NRXN3: variants seen among roughly 807,000 people sequenced by gnomAD.
The protein encoded by NRXN3 is neurexin 3.
A neutral mutation model predicts 137.6 loss-of-function variants in NRXN3; 32 were observed. The ratio of observed to expected loss-of-function variants is 0.23; its 90% CI spans 0.18 to 0.31. The LOEUF (loss-of-function observed/expected upper bound fraction) is 0.31, where lower values mean the gene tolerates loss of function less well. NRXN3 is among the 10% of genes least tolerant of loss of function. The probability of loss-of-function intolerance (pLI) is 1.00; values close to 1 mark genes in which losing one functional copy is unlikely to be tolerated. For missense variants in NRXN3, 1,574 were observed against 2,062.5 expected (o/e 0.76, Z 4.59); for synonymous variants, 798 against 784.5 (o/e 1.02, Z -0.29).
intron 15 of NRXN3, among the ~76,000 whole-genome samples, chr14:79,159,234 TTTGA>T (rs1477850268): frequency 6.6e-6 from 1 of 151,896 alleles, no homozygotes; most frequent in African/African-American, 2.4e-5. Context: ...TAGCCATTGC[TTTGA>T]TTGTGCTTTG....
intron 16 of NRXN3, among the ~76,000 whole-genome samples, 182 bp from the exon 17 acceptor site, chr14:79,663,596 A>G (rs757794537): frequency 1.3e-5 from 2 of 152,080 alleles, no homozygotes; most frequent in African/African-American, 2.4e-5. Context: ...TTTTTATGCC[A>G]TTGGTTTTTA....
intron 20 of NRXN3, among the ~76,000 whole-genome samples, chr14:79,834,999 G>A (rs12885142): frequency 0.91 from 138,127 of 152,090 alleles, 62,745 homozygotes; most frequent in East Asian, 0.95. Flanking sequence ...CTCTACTTCT[G>A]TGAGTTCAAC....
intron 19 of NRXN3, among the ~76,000 whole-genome samples, chr14:79,725,339 C>T (rs555474665): frequency 6.6e-6 from 1 of 152,234 alleles, no homozygotes; most frequent in South Asian, 2.1e-4. Flanking sequence ...GTTGTCTTTG[C>T]TTCAGCTGAG....
chr14:79,150,967 C>G (rs188076101), intron 15 of NRXN3, among the ~76,000 whole-genome samples: 1 of 152,120 alleles, frequency 6.6e-6, no homozygotes, highest in Non-Finnish European at 1.5e-5. Flanking sequence ...TTAAATGGAA[C>G]TAGTTTTCGA....
intron 20 of NRXN3, among the ~76,000 whole-genome samples, chr14:79,805,857 G>T (rs534702898): frequency 1.3e-5 from 2 of 152,234 alleles, no homozygotes; most frequent in South Asian, 4.1e-4. Context: ...CTACTGTGCT[G>T]AAGTTGAGAA....
chr14:79,242,541 G>A (rs1236225726), intron 15 of NRXN3, among the ~76,000 whole-genome samples: 1 of 152,092 alleles, frequency 6.6e-6, no homozygotes, highest in Non-Finnish European at 1.5e-5. Flanking sequence ...ACTCTACCCT[G>A]GACCTAAAGC....
chr14:78,855,690 T>C (rs994139993), intron 10 of NRXN3, among the ~76,000 whole-genome samples: 1 of 152,194 alleles, frequency 6.6e-6, no homozygotes, highest in African/African-American at 2.4e-5. Context: ...AAAGTGTATC[T>C]GACAGTATTT....
At chr14:78,252,963 T>A (rs2068883359) in intron 2 of NRXN3, among the ~76,000 whole-genome samples, 1 of 152,152 alleles carries the variant, frequency 6.6e-6, no homozygotes, top group Non-Finnish European at 1.5e-5. Context: ...TCTTCCTTCC[T>A]CCTCATTCTC....
At chr14:79,774,927 T>C (rs1255480469) in intron 19 of NRXN3, among the ~76,000 whole-genome samples, 1 of 151,988 alleles carries the variant, frequency 6.6e-6, no homozygotes, top group Non-Finnish European at 1.5e-5. Flanking sequence ...GGATTAAGTA[T>C]GATATATATA....
chr14:79,274,101 C>CAAAAAAA (rs569693397), intron 15 of NRXN3, among the ~76,000 whole-genome samples: 2 of 74,266 alleles, frequency 2.7e-5, no homozygotes, highest in African/African-American at 9.6e-5. Flanking sequence ...GACTCCGTCT[C>CAAAAAAA]AAAAAAAAAA....
chr14:78,179,050 T>G (rs1224454379), intron 1 of NRXN3, among the ~76,000 whole-genome samples: 2 of 152,158 alleles, frequency 1.3e-5, no homozygotes, highest in Non-Finnish European at 2.9e-5. Flanking sequence ...GTGCTGGTTC[T>G]GGCCTGGAGA....
chr14:78,505,799 T>G (rs1480997697), intron 4 of NRXN3, among the ~76,000 whole-genome samples: 1 of 151,670 alleles, frequency 6.6e-6, no homozygotes, highest in African/African-American at 2.4e-5. Flanking sequence ...AAATCTATAT[T>G]TTTTGAAAGT....
At chr14:79,571,107 A>C (rs761774809) in intron 16 of NRXN3, among the ~76,000 whole-genome samples, 2 of 152,156 alleles carry the variant, frequency 1.3e-5, no homozygotes, top group Non-Finnish European at 2.9e-5. Flanking sequence ...ACCATTGATA[A>C]AATGCTATTC....
chr14:79,377,404 G>A (rs2094334341), intron 15 of NRXN3, among the ~76,000 whole-genome samples: 1 of 152,140 alleles, frequency 6.6e-6, no homozygotes, highest in Admixed American at 6.6e-5. Context: ...TACTGATGTG[G>A]CAGAAGTTGT....
At chr14:78,986,594 A>C (rs1158474511) in intron 14 of NRXN3, among the ~76,000 whole-genome samples, 1 of 152,198 alleles carries the variant, frequency 6.6e-6, no homozygotes, top group Non-Finnish European at 1.5e-5. Flanking sequence ...ATTCTTATAT[A>C]TTAACATATG....
At chr14:79,537,635 G>T (rs1418861961) in intron 16 of NRXN3, among the ~76,000 whole-genome samples, 2 of 152,098 alleles carry the variant, frequency 1.3e-5, no homozygotes, top group Non-Finnish European at 2.9e-5. Flanking sequence ...CATTTTCTAT[G>T]GCTGCATAGT....
intron 19 of NRXN3, among the ~76,000 whole-genome samples, chr14:79,716,448 G>C (rs923636613): frequency 2.6e-5 from 4 of 152,130 alleles, no homozygotes; most frequent in African/African-American, 9.7e-5. Context: ...CATTTGTCTA[G>C]GTTTCTGGAC....
chr14:79,682,153 G>C (rs1204758981), intron 17 of NRXN3, among the ~76,000 whole-genome samples: 2 of 152,010 alleles, frequency 1.3e-5, no homozygotes, highest in African/African-American at 2.4e-5. Context: ...TATTTGTATA[G>C]GGTATGTTCT....
chr14:78,459,160 C>T (rs1312035151), intron 4 of NRXN3, among the ~76,000 whole-genome samples: 1 of 152,114 alleles, frequency 6.6e-6, no homozygotes, highest in African/African-American at 2.4e-5. Flanking sequence ...TATTGCCAGC[C>T]ACTGAAATGA....
Sources: gnomAD v4.1 joint callset for allele counts (sites outside exome capture counted in the v4.1 genomes callset) on GRCh38, gnomAD v4.1.1 for gene constraint, MANE v1.5 for transcripts, NCBI Gene and HGNC (gene_info 2026-07-23, HGNC 2026-07-21) for gene names.